Variants in TAF1D observed in about 807,000 individuals in gnomAD.
TAF1D encodes TATA-box binding protein associated factor, RNA polymerase I subunit D, also known as TATA box-binding protein-associated factor RNA polymerase I subunit D.
Under a neutral mutation model 26.2 loss-of-function variants are expected in TAF1D, and 23 were observed. The observed-to-expected ratio is 0.88, with a 90% CI of 0.63 to 1.25. The LOEUF (loss-of-function observed/expected upper bound fraction) is 1.25. Among genes scored for constraint, TAF1D ranks in the 50% most tolerant of loss-of-function variants. The pLI, the probability that TAF1D is intolerant of heterozygous loss-of-function variation, is 0.00. For synonymous variants in TAF1D, 100 were observed against 105.6 expected (o/e 0.95, Z 0.33); for missense variants, 299 against 322.0 (o/e 0.93, Z 0.55).
chr11:93,730,492 C>G (rs750940344), exon 12 of TAF1D: 1 of 743,122 alleles, frequency 1.3e-6, no homozygotes, highest in Non-Finnish European at 2.5e-6. Flanking sequence ...TCTCACATGG[C>G]AACAATCCTG....
intron 4 of TAF1D, 129 bp from the exon 5 acceptor site, chr11:93,736,880 G>A: frequency 4.2e-6 from 5 of 1,200,880 alleles, no homozygotes; most frequent in Non-Finnish European, 5.8e-6. Flanking sequence ...AGAATTTTGT[G>A]TTCTGGAGAA....
rs1329058738 is a variant in TAF1D, at chr11:93,736,019, TAAA to T, written c.*139_*141del. 7 of 1,422,958 alleles carry T rather than the reference TAAA, an allele frequency of 4.9e-6. No individual in the cohort carries two copies. The highest frequency in any genetic ancestry group is 4.6e-6 in the Non-Finnish European group (5 of 1,093,538). 88.1% of individuals were successfully genotyped at this position (1,422,958 alleles called of 1,614,324 possible). On this transcript the variant is annotated 3_prime_UTR_variant, in exon 6 of 6. Transcript: ENST00000448108. ...TCTTTCACAAACTTCTTCACAGGGTTAAAAATTTTTTTTCTTGTTATAAAGTTC... is the reference window on the plus strand; with the variant it reads ...TCTTTCACAAACTTCTTCACAGGGTTAATTTTTTTTCTTGTTATAAAGTTC...
At chr11:93,730,584 C>A, downstream of TAF1D, 1 of 603,760 alleles carries the variant, frequency 1.7e-6, no homozygotes, top group Non-Finnish European at 3.2e-6. Flanking sequence ...GAACTTCCAT[C>A]TTTGGTCACA....
At chr11:93,733,269 A>G (rs1349986094), downstream of TAF1D, 1 of 519,100 alleles carries the variant, frequency 1.9e-6, no homozygotes, top group African/African-American at 1.9e-5. Flanking sequence ...GTTATCATTC[A>G]GCAGTTGAAC....
At chr11:93,735,218 A>G (rs552592323), downstream of TAF1D, 1 of 1,351,552 alleles carries the variant, frequency 7.4e-7, no homozygotes, top group African/African-American at 1.5e-5. Context: ...CACGTTAAAC[A>G]AAAACATACA....
In TAF1D at chr11:93,735,744, C is replaced by G; in HGVS notation, c.*417G>C. 1 of 1,038,384 alleles carries G rather than the reference C, an allele frequency of 9.6e-7. No individual in the cohort carries two copies. Among genetic ancestry groups the G allele is most frequent in the Non-Finnish European group, 1.2e-6 (1 of 863,140 alleles). 64.3% of individuals were successfully genotyped at this position (1,038,384 alleles called of 1,614,324 possible). ...TTACAATACTAAGCATCTGACAGGT[C>G]ACTTGTCATGGCTGAACAAAGCTGG... On this transcript the variant is annotated 3_prime_UTR_variant, in exon 6 of 6. Coordinates refer to ENST00000448108, the MANE Select transcript of TAF1D (RefSeq NM_024116.4).
chr11:93,730,710 G>C (rs1432694387), downstream of TAF1D: 1 of 512,382 alleles, frequency 2.0e-6, no homozygotes, highest in East Asian at 5.4e-5. Context: ...TGTCCTGTCA[G>C]CCCTACATAA....
downstream of TAF1D, chr11:93,734,801 GGTCT>G (rs1029217489): frequency 1.2e-5 from 15 of 1,222,652 alleles, no homozygotes; most frequent in South Asian, 1.1e-4. Flanking sequence ...TAAGAGACAG[GGTCT>G]GTCTTTGTTA....
chr11:93,732,663 CTA>C (rs1291495204), downstream of TAF1D: 2 of 296,330 alleles, frequency 6.7e-6, no homozygotes, highest in African/African-American at 4.4e-5. Context: ...AGCTACAACT[CTA>C]GTCTTTGCCT....
Position 93,737,326 on chromosome 11 carries a change from C to T in TAF1D, c.460-87G>A, listed in dbSNP as rs1941006859. On this transcript the variant is annotated intron_variant, in intron 3 of 5. Coordinates refer to ENST00000448108, the MANE Select transcript of TAF1D (RefSeq NM_024116.4). ...ATGTTCAAAAAGGGCAATGCCCCCCCTTAGCAAAGACTCTGAATTTGCTAT... is the reference window on the plus strand; with the variant it reads ...ATGTTCAAAAAGGGCAATGCCCCCCTTTAGCAAAGACTCTGAATTTGCTAT... The T allele has an allele frequency of 4.6e-6, 4 of 864,004 alleles. No individual in the cohort carries two copies. The South Asian group carries it at 6.2e-5, about 13-fold the overall frequency. 53.5% of individuals were successfully genotyped at this position (864,004 alleles called of 1,614,324 possible).
At chr11:93,739,911 T>C (rs984366589) in intron 1 of TAF1D, among the ~76,000 whole-genome samples, 26 of 129,338 alleles carry the variant, frequency 2.0e-4, no homozygotes, top group African/African-American at 6.7e-4. Context: ...TTCAATGAAC[T>C]ATCATAATTC....
downstream of TAF1D, chr11:93,735,411 C>T (rs1940542196): frequency 2.4e-6 from 2 of 841,188 alleles, no homozygotes; most frequent in African/African-American, 1.8e-5. Context: ...GGCCAGGTGC[C>T]ATGGCTCACA....
chr11:93,734,784 T>C (rs2135476586), downstream of TAF1D: 7 of 1,253,364 alleles, frequency 5.6e-6, no homozygotes, highest in Non-Finnish European at 7.2e-6. Context: ...AATCAACCTT[T>C]TTTTCTTAAG....
At position 93,735,746 on chromosome 11, in the gene TAF1D, C is replaced by T. The variant is rs1193859499; in HGVS notation, c.*415G>A. 2.3e-5 allele frequency: 24 copies of T among 1,039,340 alleles called. No individual in the cohort carries two copies. The highest frequency in any genetic ancestry group is 2.7e-5 in the Non-Finnish European group (23 of 863,890). 64.4% of individuals were successfully genotyped at this position (1,039,340 alleles called of 1,614,324 possible). On this transcript the variant is annotated 3_prime_UTR_variant, in exon 6 of 6. Coordinates refer to ENST00000448108, the MANE Select transcript of TAF1D (RefSeq NM_024116.4). ...ACAATACTAAGCATCTGACAGGTCA[C>T]TTGTCATGGCTGAACAAAGCTGGGA... is the stretch of plus-strand genomic sequence containing the variant.
At chr11:93,734,907 G>T, downstream of TAF1D, 1 of 769,476 alleles carries the variant, frequency 1.3e-6, no homozygotes, top group Non-Finnish European at 1.8e-6. Context: ...CCAACTACAG[G>T]CACATGCCCC....
At chr11:93,731,916 A>G (rs1939063042), downstream of TAF1D, 2 of 420,930 alleles carry the variant, frequency 4.8e-6, no homozygotes, top group Non-Finnish European at 4.7e-6. Context: ...AAGTGGTCCT[A>G]TAAGAGCTGA....
chr11:93,740,433 GAAAAAAAAAAAAAAAAAAAAA>G (rs59420824), intron 1 of TAF1D, among the ~76,000 whole-genome samples: 2 of 48,430 alleles, frequency 4.1e-5, no homozygotes, highest in Admixed American at 6.7e-4. Context: ...CCTGTCTCAG[GAAAAAAAAAAAAAAAAAAAAA>G]AAAAAAAAAA....
downstream of TAF1D, chr11:93,731,547 G>A: frequency 1.9e-6 from 1 of 518,820 alleles, no homozygotes; most frequent in South Asian, 1.4e-5. Flanking sequence ...CAGAGCAGTT[G>A]AACATTTCGC....
rs559531634 is a variant in TAF1D at position 93,737,182 on chromosome 11, G to A, written c.517C>T (p.Leu173=). The change falls in exon 4 of 6, where the codon CTG becomes TTG. Residue 173 remains leucine, a synonymous_variant. Coordinates refer to ENST00000448108, the MANE Select transcript of TAF1D (RefSeq NM_024116.4). Reference sequence around the variant, plus strand: ...TTCATTTGCTTCAATGATTCTTTCAGGTGGTGTTCATACTTCAGTTTTTCA... The same window carrying A: ...TTCATTTGCTTCAATGATTCTTTCAAGTGGTGTTCATACTTCAGTTTTTCA... ...YIEKLKYEHH[L]KESLKQMNVG... 6.2e-7 allele frequency: 1 copy of A among 1,611,034 alleles called. No homozygotes were observed. Among genetic ancestry groups the A allele is most frequent in the African/African-American group, 1.3e-5 (1 of 74,916 alleles).
Sources: gnomAD v4.1 joint callset for allele counts (sites outside exome capture counted in the v4.1 genomes callset) on GRCh38, gnomAD v4.1.1 for gene constraint, MANE v1.5 for transcripts, NCBI Gene and HGNC (gene_info 2026-07-23, HGNC 2026-07-21) for gene names.